Variants in WDR47 observed in about 807,000 individuals in gnomAD.
WDR47 encodes WD repeat-containing protein 47.
In WDR47, 32 loss-of-function variants were observed where a neutral mutation model predicts 97.2. The observed-to-expected ratio is 0.33, with a 90% CI of 0.25 to 0.44. The LOEUF (loss-of-function observed/expected upper bound fraction) is 0.44. Among genes scored for constraint, WDR47 ranks in the 20% least tolerant of loss-of-function variants. The pLI, the probability that WDR47 is intolerant of heterozygous loss-of-function variation, is 1.00. For missense variants in WDR47, 782 were observed against 1,102.3 expected (o/e 0.71, Z 4.11); for synonymous variants, 375 against 373.5 (o/e 1.00, Z -0.05).
At chr1:109,031,202 T>C (rs2102032997) in intron 1 of WDR47, among the ~76,000 whole-genome samples, 1 of 140,330 alleles carries the variant, frequency 7.1e-6, no homozygotes, top group Non-Finnish European at 1.6e-5. Flanking sequence ...TCACCTAACA[T>C]TTGTAACATG....
intron 7 of WDR47, among the ~76,000 whole-genome samples, chr1:109,001,782 G>C (rs779326917): frequency 6.6e-6 from 1 of 151,960 alleles, no homozygotes; most frequent in Non-Finnish European, 1.5e-5. Flanking sequence ...CGCCAGCTAC[G>C]CAGGAGGCTG....
chr1:108,988,123 T>C lies in WDR47; in HGVS notation c.1768-1443A>G, dbSNP rs560511546. ...AGACGGCTGTGGTGGTATGCACCTG[T>C]AGTCTCAGCTACTTGGGAGGCTGAG... On this transcript the variant is annotated intron_variant, in intron 9 of 14. Coordinates refer to ENST00000369962, the MANE Select transcript of WDR47 (RefSeq NM_001142551.2). Among the ~76,000 whole-genome samples the C allele has an allele frequency of 2.8e-5, 4 of 145,064 alleles. No homozygotes were observed. The East Asian group carries it at 8.0e-4, about 29-fold the overall frequency.
rs761758882 is a variant in WDR47, at chr1:108,986,558, C to T, written c.1890G>A (p.Leu630=). 3 of 1,613,732 alleles carry T rather than the reference C, an allele frequency of 1.9e-6. No homozygotes were observed. Among genetic ancestry groups the T allele is most frequent in the East Asian group, 4.5e-5 (2 of 44,806 alleles). The change falls in exon 10 of 15, where the codon CTG becomes CTA. Residue 630 remains leucine (L), a synonymous_variant. Transcript: ENST00000369962. The stretch of plus-strand genomic sequence containing the variant: ...TTACATCTGGATAGGCACATACTCT[C>T]AGAGTTTTTGAATTTGAACCAACAG... ...LYAVGSNSKT[L]RVCAYPDVID...
intron 1 of WDR47, among the ~76,000 whole-genome samples, chr1:109,028,362 G>GTTTTT (rs372929187): frequency 0.22 from 17,340 of 79,488 alleles, 2,886 homozygotes; most frequent in Admixed American, 0.24. Flanking sequence ...TTTTTGTTGG[G>GTTTTT]TTTTTTTTTT....
intron 1 of WDR47, among the ~76,000 whole-genome samples, chr1:109,027,602 C>A (rs1187921208): frequency 6.6e-6 from 1 of 152,038 alleles, no homozygotes; most frequent in Non-Finnish European, 1.5e-5. Flanking sequence ...CGGTTTACTG[C>A]AACCTCCGCC....
At chr1:109,022,190 C>T (rs1308089394) in intron 2 of WDR47, among the ~76,000 whole-genome samples, 3 of 151,910 alleles carry the variant, frequency 2.0e-5, no homozygotes, top group Non-Finnish European at 4.4e-5. Flanking sequence ...ACAGAGAAAC[C>T]TTGTGATGTT....
At chr1:109,033,535 G>A (rs1043586759) in intron 1 of WDR47, among the ~76,000 whole-genome samples, 1 of 152,100 alleles carries the variant, frequency 6.6e-6, no homozygotes, top group Non-Finnish European at 1.5e-5. Flanking sequence ...CCCATTTACG[G>A]CCTACCAGTT....
chr1:109,041,866 G>T lies in WDR47; in HGVS notation c.-14C>A, dbSNP rs1263191604. 1.3e-5 allele frequency: 2 copies of T among 152,280 alleles called. No homozygotes were observed. The highest frequency in any genetic ancestry group is 4.8e-5 in the African/African-American group (2 of 41,458). The allele number at this position is 152,280 out of a possible 1,614,324, so 9.4% of individuals were successfully genotyped here. A position where few individuals can be genotyped will look rare whatever the true frequency, so the allele number is the denominator to read the frequency against. Reference sequence around the variant, plus strand: ...CCGACTCCCGGAGTCACCCACCTGAGGGCTCCAGGGCAAGCCCGGAGGAGC... The same window carrying T: ...CCGACTCCCGGAGTCACCCACCTGATGGCTCCAGGGCAAGCCCGGAGGAGC... On this transcript the variant is annotated 5_prime_UTR_variant, in exon 1 of 15. Transcript: ENST00000369962.
At chr1:109,013,742 CT>C in intron 4 of WDR47, 98 bp downstream of exon 4, 2 of 1,301,104 alleles carry the variant, frequency 1.5e-6, no homozygotes, top group Non-Finnish European at 2.2e-6. Flanking sequence ...CTCATAAAAA[CT>C]CTGAAAACTT....
At chr1:109,038,865 G>C (rs1352801872) in intron 1 of WDR47, among the ~76,000 whole-genome samples, 1 of 152,102 alleles carries the variant, frequency 6.6e-6, no homozygotes, top group East Asian at 1.9e-4. Context: ...TGCAATCCCA[G>C]CTACTTGGGA....
intron 6 of WDR47, among the ~76,000 whole-genome samples, chr1:109,002,716 A>G (rs554483435): frequency 6.6e-6 from 1 of 152,358 alleles, no homozygotes; most frequent in South Asian, 2.1e-4. Context: ...GTAGATAAAG[A>G]CTAATACAAA....
chr1:109,040,110 A>T (rs1415096376), intron 1 of WDR47, among the ~76,000 whole-genome samples: 1 of 152,024 alleles, frequency 6.6e-6, no homozygotes, highest in Non-Finnish European at 1.5e-5. Flanking sequence ...CCATTCTCAG[A>T]CTAAAACAAT....
intron 9 of WDR47, among the ~76,000 whole-genome samples, chr1:108,988,698 TAAAC>T (rs776850348): frequency 5.3e-5 from 8 of 151,612 alleles, no homozygotes; most frequent in South Asian, 2.1e-4. Context: ...AATAAATAAA[TAAAC>T]AAACATCCCT....
At chr1:109,025,561 C>T (rs949234471) in intron 1 of WDR47, among the ~76,000 whole-genome samples, 1 of 151,918 alleles carries the variant, frequency 6.6e-6, no homozygotes, top group Admixed American at 6.6e-5. Flanking sequence ...TGGTGAAACC[C>T]CACCTCTACT....
chr1:108,976,783 C>A (rs1237110243), intron 13 of WDR47, among the ~76,000 whole-genome samples: 1 of 152,122 alleles, frequency 6.6e-6, no homozygotes, highest in Non-Finnish European at 1.5e-5. Flanking sequence ...AGAGGAGGAA[C>A]ATTTCCAACT....
rs1187258219 is a variant in WDR47 at position 109,011,559 on chromosome 1, G to T, written c.487C>A (p.His163Asn). The T allele has an allele frequency of 1.9e-6, 3 of 1,614,188 alleles. No homozygotes were observed. Among genetic ancestry groups the T allele is most frequent in the Non-Finnish European group, 2.5e-6 (3 of 1,180,042 alleles). ...KDWNPSTARVHCFEEACVMVA... is the reference protein window; with the variant it reads ...KDWNPSTARVNCFEEACVMVA... ...ATGACACAAGCCTCTTCAAAACAGT[G>T]AACTCGTGCGGTGCTGGGATTCCAG... Residue 163 changes from histidine to asparagine, a missense_variant, in exon 5 of 15, where the codon CAC (histidine) becomes AAC (asparagine). Transcript: ENST00000369962.
At chr1:108,995,190 A>T (rs1423274128) in intron 8 of WDR47, among the ~76,000 whole-genome samples, 1 of 152,222 alleles carries the variant, frequency 6.6e-6, no homozygotes, top group Non-Finnish European at 1.5e-5. Flanking sequence ...TGCAGCTGTA[A>T]TCATTCCACC....
chr1:108,991,396 C>T (rs770031632), intron 8 of WDR47, 67 bp from the exon 9 acceptor site: 1 of 1,389,162 alleles, frequency 7.2e-7, no homozygotes, highest in Non-Finnish European at 1.0e-6. Context: ...TTAATTTACC[C>T]TTTCAAACAC....
chr1:108,982,372 A>G (rs1658407524), intron 12 of WDR47, among the ~76,000 whole-genome samples: 2 of 151,770 alleles, frequency 1.3e-5, no homozygotes, highest in Non-Finnish European at 2.9e-5. Flanking sequence ...ATATCTACAA[A>G]AAAATTTTAA....
Sources: allele counts gnomAD v4.1 joint callset (sites outside exome capture counted in the v4.1 genomes callset), GRCh38; gene constraint gnomAD v4.1.1; transcripts MANE v1.5; gene names NCBI Gene and HGNC (gene_info 2026-07-23, HGNC 2026-07-21).